Variants in NPAS3 observed in about 807,000 individuals in gnomAD.
The protein encoded by NPAS3 is neuronal PAS domain protein 3.
In NPAS3, 14 loss-of-function variants were observed where a neutral mutation model predicts 73.1. The ratio of observed to expected loss-of-function variants is 0.19; its 90% CI spans 0.13 to 0.30. The LOEUF is 0.30. NPAS3 is among the 10% of genes least tolerant of loss of function. The pLI is 1.00. For missense variants in NPAS3, 1,096 were observed against 1,250.0 expected, an observed-to-expected ratio of 0.88 and a Z score of 1.86; for synonymous variants, 620 against 541.5, an observed-to-expected ratio of 1.14 and a Z score of -2.01.
At chr14:33,756,768 A>T (rs996027524) in intron 7 of NPAS3, among the ~76,000 whole-genome samples, 2 of 152,230 alleles carry the variant, frequency 1.3e-5, no homozygotes, top group Non-Finnish European at 2.9e-5. Flanking sequence ...CGAGGTACAC[A>T]GAGAAATAAA....
At position 33,800,546 on chromosome 14, in the gene NPAS3, C is replaced by A; in HGVS notation, c.2239C>A (p.Leu747Met). 3 of 1,351,844 alleles carry A rather than the reference C, an allele frequency of 2.2e-6. No individual in the cohort carries two copies. Among genetic ancestry groups the A allele is most frequent in the Non-Finnish European group, 2.8e-6 (3 of 1,059,680 alleles). The allele number at this position is 1,351,844 out of a possible 1,614,324, so 83.7% of individuals were successfully genotyped here. ...CCTGGCCCCCGTCGCCTCCGACCCG[C>A]TGTCACCCCCGCTCTCGGCGTCCCC... The change falls in exon 12 of 12, where the codon CTG (leucine) becomes ATG (methionine). Residue 747 changes from leucine to methionine, a missense_variant. This residue lies in a region of NPAS3 where 698 missense variants were observed against 676.7 expected (regional missense o/e 1.03). Coordinates refer to ENST00000356141, the Ensembl canonical transcript of NPAS3. This position sits in a 1 kb window ranked among gnomAD's most constrained non-coding sequence, Gnocchi z 6.5.
At chr14:33,676,477 G>C (rs1045883392) in intron 6 of NPAS3, 92 bp downstream of exon 6, 2 of 1,034,522 alleles carry the variant, frequency 1.9e-6, no homozygotes, top group Non-Finnish European at 1.3e-6. Flanking sequence ...ACTATAAATA[G>C]GTCTAAGGGT....
At chr14:33,463,195 C>A (rs1594953895) in intron 4 of NPAS3, among the ~76,000 whole-genome samples, 2 of 152,242 alleles carry the variant, frequency 1.3e-5, no homozygotes, top group Middle Eastern at 6.8e-3. Flanking sequence ...TCTTGGCCGG[C>A]CCATTTCCAA....
At position 33,707,378 on chromosome 14, in the gene NPAS3, T is replaced by C. The variant is rs992091022; in HGVS notation, c.734-27836T>C. ...AAAGGAGAATGATGATTATTTAATA[T>C]TTGTTGAGTGCCAACAGTGTACTCA... is the stretch of plus-strand genomic sequence containing the variant. On this transcript the variant is annotated intron_variant, in intron 6 of 11. Transcript: ENST00000356141. 7.9e-5 allele frequency among the ~76,000 whole-genome samples: 12 copies of C among 152,096 alleles called. 1 individual carries two copies. The highest frequency in any genetic ancestry group is 2.2e-4 in the African/African-American group (9 of 41,422).
At chr14:33,534,226 A>C (rs1310541053) in intron 4 of NPAS3, among the ~76,000 whole-genome samples, 1 of 152,052 alleles carries the variant, frequency 6.6e-6, no homozygotes, top group Non-Finnish European at 1.5e-5. Context: ...GTAAAAAAAA[A>C]AAAAAAAAAC....
intron 5 of NPAS3, among the ~76,000 whole-genome samples, chr14:33,667,647 A>C (rs2059490172): frequency 6.6e-6 from 1 of 152,214 alleles, no homozygotes; most frequent in South Asian, 2.1e-4. Flanking sequence ...ACCCTACCAC[A>C]GTTAGTAGTT....
chr14:33,704,516 A>T (rs1231326144), intron 6 of NPAS3, among the ~76,000 whole-genome samples: 4 of 152,230 alleles, frequency 2.6e-5, no homozygotes, highest in African/African-American at 9.6e-5. Context: ...GTTCATGCAT[A>T]AAGCATGATG....
intron 4 of NPAS3, among the ~76,000 whole-genome samples, chr14:33,476,598 A>AT (rs1452297365): frequency 6.6e-6 from 1 of 151,914 alleles, no homozygotes; most frequent in Non-Finnish European, 1.5e-5. Context: ...ATTTATGAGT[A>AT]TTTTTTTATT....
At position 33,346,780 on chromosome 14, in the gene NPAS3, T is replaced by C. The variant is rs77479561; in HGVS notation, c.386-20406T>C. 2.7e-3 allele frequency among the ~76,000 whole-genome samples: 416 copies of C among 152,280 alleles called. 3 individuals are homozygous for C. The highest frequency in any genetic ancestry group is 9.6e-3 in the African/African-American group (397 of 41,552). On this transcript the variant is annotated intron_variant, in intron 3 of 11. Transcript: ENST00000356141. ...GAATCCTTTCATGTATTACAGTTCCTGGGAACAGGATGCCTTATGGTCCTG... is the reference window on the plus strand; with the variant it reads ...GAATCCTTTCATGTATTACAGTTCCCGGGAACAGGATGCCTTATGGTCCTG...
intron 1 of NPAS3, among the ~76,000 whole-genome samples, chr14:33,053,684 C>T (rs1481649017): frequency 6.6e-6 from 1 of 152,110 alleles, no homozygotes; most frequent in East Asian, 1.9e-4. Context: ...CTATAGATGT[C>T]TTATCTGTAA....
chr14:33,268,828 T>A (rs759463327), intron 3 of NPAS3, among the ~76,000 whole-genome samples: 14 of 152,214 alleles, frequency 9.2e-5, no homozygotes, highest in Non-Finnish European at 1.8e-4. Context: ...TATTCCCTAT[T>A]GTAATATTTT....
At chr14:33,171,250 A>G (rs1194441237) in intron 2 of NPAS3, among the ~76,000 whole-genome samples, 2 of 152,224 alleles carry the variant, frequency 1.3e-5, no homozygotes, top group Non-Finnish European at 2.9e-5. Context: ...AACATATTCA[A>G]TAAACCATGG....
At chr14:33,482,833 C>T (rs1394045037) in intron 4 of NPAS3, among the ~76,000 whole-genome samples, 4 of 152,148 alleles carry the variant, frequency 2.6e-5, no homozygotes, top group Non-Finnish European at 5.9e-5. Flanking sequence ...TCTGCAATTT[C>T]TCTCTTCACT....
intron 3 of NPAS3, among the ~76,000 whole-genome samples, chr14:33,307,164 C>T (rs139952316): frequency 3.9e-4 from 59 of 152,216 alleles, no homozygotes; most frequent in African/African-American, 1.2e-3. Flanking sequence ...TGAGGTTATC[C>T]AATTTAATTA....
At chr14:33,075,772 T>A (rs576928970) in intron 2 of NPAS3, among the ~76,000 whole-genome samples, 85 of 152,364 alleles carry the variant, frequency 5.6e-4, no homozygotes, top group African/African-American at 1.9e-3. Flanking sequence ...AATGTTAAAA[T>A]TTAGGAAATC....
intron 9 of NPAS3, among the ~76,000 whole-genome samples, chr14:33,784,483 A>G (rs2063080881): frequency 6.6e-6 from 1 of 152,220 alleles, no homozygotes; most frequent in African/African-American, 2.4e-5. Flanking sequence ...CAGGGGAGGC[A>G]GATTTTCCCT....
At chr14:33,056,762 A>T (rs1282229544) in intron 2 of NPAS3, among the ~76,000 whole-genome samples, 1 of 152,250 alleles carries the variant, frequency 6.6e-6, no homozygotes, top group East Asian at 1.9e-4. Flanking sequence ...GATGAAATTT[A>T]TGCTTTCCAT....
At chr14:33,231,929 C>T (rs2047866978) in intron 3 of NPAS3, among the ~76,000 whole-genome samples, 1 of 152,106 alleles carries the variant, frequency 6.6e-6, no homozygotes, top group Non-Finnish European at 1.5e-5. Context: ...GTGCAAAAAG[C>T]AAGAAAAACT....
intron 5 of NPAS3, among the ~76,000 whole-genome samples, chr14:33,661,623 C>A (rs1352810614): frequency 6.6e-6 from 1 of 152,142 alleles, no homozygotes; most frequent in Non-Finnish European, 1.5e-5. Flanking sequence ...TGTGAAGACA[C>A]TTGTATTGAA....
Sources: gnomAD v4.1 joint callset for allele counts (sites outside exome capture counted in the v4.1 genomes callset) on GRCh38, gnomAD v4.1.1 for gene constraint, gnomAD v4.1.1 regional missense constraint, Gnocchi (gnomAD v3.1) non-coding constraint, MANE v1.5 for transcripts, NCBI Gene and HGNC (gene_info 2026-07-23, HGNC 2026-07-21) for gene names.